The following ZNF385D variants were observed in gnomAD, a reference collection of about 807,000 sequenced individuals.
ZNF385D encodes zinc finger protein 385D, also known as zinc finger protein 659.
ZNF385D carries 15 observed loss-of-function variants against 35.8 expected under a neutral mutation model. The observed-to-expected ratio is 0.42, with a 90% CI of 0.28 to 0.64. The LOEUF (loss-of-function observed/expected upper bound fraction) is 0.64. Ranked by LOEUF, ZNF385D falls within the 30% of genes least tolerant of loss-of-function variation. The pLI is 0.23. For synonymous variants in ZNF385D, 212 were observed against 186.8 expected (o/e 1.13, Z -1.10); for missense variants, 474 against 494.6 (o/e 0.96, Z 0.39).
intron 2 of ZNF385D, among the ~76,000 whole-genome samples, chr3:21,590,907 T>C (rs951947715): frequency 1.1e-4 from 17 of 151,984 alleles, no homozygotes; most frequent in Admixed American, 9.9e-4. Context: ...GTATGAAAAA[T>C]GTTTCAGGCC....
chr3:22,086,142 C>T (rs564333116), intron 3 of ZNF385D, among the ~76,000 whole-genome samples: 2 of 152,182 alleles, frequency 1.3e-5, no homozygotes, highest in Admixed American at 6.5e-5. Flanking sequence ...AAAACTGGCA[C>T]AAGACAGGGA....
chr3:22,032,167 C>T (rs142926424), intron 3 of ZNF385D, among the ~76,000 whole-genome samples: 222 of 152,304 alleles, frequency 1.5e-3, no homozygotes, highest in African/African-American at 4.8e-3. Flanking sequence ...TAGGAACTTC[C>T]GAAGTTTCCC....
chr3:22,125,915 C>G (rs111393665), intron 3 of ZNF385D, among the ~76,000 whole-genome samples: 3 of 152,100 alleles, frequency 2.0e-5, no homozygotes, highest in African/African-American at 7.2e-5. Context: ...TCTTTCTCTT[C>G]CCTGATTCAT....
chr3:21,569,940 G>C (rs1055812495), intron 2 of ZNF385D, among the ~76,000 whole-genome samples: 7 of 147,536 alleles, frequency 4.7e-5, no homozygotes, highest in Admixed American at 4.0e-4. Flanking sequence ...ATAGCATTAG[G>C]AGATATACCT....
intron 3 of ZNF385D, among the ~76,000 whole-genome samples, chr3:21,944,495 G>C (rs1701680368): frequency 6.6e-6 from 1 of 152,188 alleles, no homozygotes; most frequent in African/African-American, 2.4e-5. Flanking sequence ...AGACAAAGAG[G>C]AACTTTTCTG....
chr3:21,534,483 A>T (rs113500700), intron 3 of ZNF385D, among the ~76,000 whole-genome samples: 1 of 152,080 alleles, frequency 6.6e-6, no homozygotes, highest in Admixed American at 6.5e-5. Context: ...CTGAACTTTC[A>T]TCAGTGGCAA....
At chr3:21,452,664 A>C (rs548279565) in intron 4 of ZNF385D, among the ~76,000 whole-genome samples, 1 of 151,994 alleles carries the variant, frequency 6.6e-6, no homozygotes, top group Non-Finnish European at 1.5e-5. Context: ...AAAGTGTAAG[A>C]CTTGTATACT....
At chr3:22,124,314 T>A (rs1482223182) in intron 3 of ZNF385D, among the ~76,000 whole-genome samples, 1 of 152,174 alleles carries the variant, frequency 6.6e-6, no homozygotes, top group Non-Finnish European at 1.5e-5. Context: ...CGCATTTTCA[T>A]TATCCATTCA....
At chr3:21,948,137 A>G (rs1701886777) in intron 3 of ZNF385D, among the ~76,000 whole-genome samples, 1 of 152,132 alleles carries the variant, frequency 6.6e-6, no homozygotes, top group Non-Finnish European at 1.5e-5. Context: ...AAGCTGTGTA[A>G]CATCTGACAG....
chr3:21,992,856 A>T (rs1348122695), intron 3 of ZNF385D, among the ~76,000 whole-genome samples: 1 of 152,126 alleles, frequency 6.6e-6, no homozygotes, highest in African/African-American at 2.4e-5. Flanking sequence ...TTCATGTGTA[A>T]ATCTTAGTAT....
At chr3:22,319,581 C>T (rs1229413372) in intron 2 of ZNF385D, among the ~76,000 whole-genome samples, 1 of 152,088 alleles carries the variant, frequency 6.6e-6, no homozygotes, top group Non-Finnish European at 1.5e-5. Context: ...GCATACAGAG[C>T]TAGCAATAGC....
At chr3:21,913,089 GA>G (rs1700037969) in intron 3 of ZNF385D, among the ~76,000 whole-genome samples, 1 of 152,042 alleles carries the variant, frequency 6.6e-6, no homozygotes, top group Non-Finnish European at 1.5e-5. Context: ...TCTGAAGAGT[GA>G]TTTACCAAAT....
intron 3 of ZNF385D, among the ~76,000 whole-genome samples, chr3:22,167,874 T>G (rs1476602609): frequency 6.6e-6 from 1 of 152,202 alleles, no homozygotes; most frequent in African/African-American, 2.4e-5. Context: ...TCCTTTCCAA[T>G]AGAATACTAC....
chr3:22,209,614 T>A (rs529277943), intron 2 of ZNF385D, among the ~76,000 whole-genome samples: 14 of 151,906 alleles, frequency 9.2e-5, no homozygotes, highest in Non-Finnish European at 1.2e-4. Context: ...AGACTATTTA[T>A]CATATATATT....
At chr3:21,620,232 A>G (rs531397433) in intron 2 of ZNF385D, among the ~76,000 whole-genome samples, 1 of 152,172 alleles carries the variant, frequency 6.6e-6, no homozygotes, top group Non-Finnish European at 1.5e-5. Context: ...GAAAGGATCT[A>G]GGCACTGGTC....
chr3:21,919,397 T>A (rs760709725), intron 3 of ZNF385D, among the ~76,000 whole-genome samples: 2 of 152,214 alleles, frequency 1.3e-5, no homozygotes, highest in Non-Finnish European at 2.9e-5. Flanking sequence ...ATTTTGATAT[T>A]GTTGTGAGCT....
At chr3:21,677,147 TA>T in intron 1 of ZNF385D, among the ~76,000 whole-genome samples, 1 of 152,006 alleles carries the variant, frequency 6.6e-6, no homozygotes, top group African/African-American at 2.4e-5. Flanking sequence ...GGGACGCAAA[TA>T]ATCAGTGGGA....
At chr3:22,016,599 C>T (rs974748152) in intron 3 of ZNF385D, among the ~76,000 whole-genome samples, 1 of 151,928 alleles carries the variant, frequency 6.6e-6, no homozygotes, top group African/African-American at 2.4e-5. Context: ...TGAATCACAT[C>T]TTCTCATTTT....
At chr3:22,190,226 C>G (rs529058554) in intron 2 of ZNF385D, among the ~76,000 whole-genome samples, 9 of 152,208 alleles carry the variant, frequency 5.9e-5, no homozygotes, top group African/African-American at 1.2e-4. Flanking sequence ...AAAATCAAAT[C>G]TATGAGATGG....
Sources: gnomAD v4.1 joint callset for allele counts (sites outside exome capture counted in the v4.1 genomes callset) on GRCh38, gnomAD v4.1.1 for gene constraint, MANE v1.5 for transcripts, NCBI Gene and HGNC (gene_info 2026-07-23, HGNC 2026-07-21) for gene names.